TGS1: variants seen among roughly 807,000 people sequenced by gnomAD.
The protein encoded by TGS1 is trimethylguanosine synthase.
TGS1 carries 69 observed loss-of-function variants against 92.2 expected under a neutral mutation model. The ratio of observed to expected loss-of-function variants is 0.75; its 90% confidence interval spans 0.62 to 0.91. The LOEUF (loss-of-function observed/expected upper bound fraction) is 0.91, where lower values mean the gene tolerates loss of function less well. Among genes scored for constraint, TGS1 ranks in the 40% least tolerant of loss-of-function variants. The pLI is 0.00. For synonymous variants in TGS1, 345 were observed against 338.1 expected, an observed-to-expected ratio of 1.02 and a Z score of -0.22; for missense variants, 1,062 against 1,001.2, an observed-to-expected ratio of 1.06 and a Z score of -0.82.
intron 10 of TGS1, among the ~76,000 whole-genome samples, chr8:55,810,621 C>G (rs1309763230): frequency 6.6e-6 from 1 of 152,188 alleles, no homozygotes; most frequent in East Asian, 1.9e-4. Context: ...AGTATTGCCA[C>G]TTGGTTAGGA....
chr8:55,824,946 G>A lies in TGS1; in HGVS notation c.*243G>A. The A allele has an allele frequency of 2.7e-6, 1 of 376,822 alleles. No individual in the cohort carries two copies. The highest frequency in any genetic ancestry group is 4.7e-6 in the Non-Finnish European group (1 of 211,142). The allele number at this position is 376,822 out of a possible 1,614,324, so 23.3% of individuals were successfully genotyped here. A position where few individuals can be genotyped will look rare whatever the true frequency, so the allele number is the denominator to read the frequency against. ...TGTAATTTATTTTTTTTTGAGACAG[G>A]ATCTCACTTTTACCGCCCAGGCTGG... On this transcript the variant is annotated 3_prime_UTR_variant, in exon 13 of 13. Transcript: ENST00000260129.
chr8:55,782,146 CT>C (rs369271012), intron 1 of TGS1, among the ~76,000 whole-genome samples: 124,964 of 150,826 alleles, frequency 0.83, 52,114 homozygotes, highest in African/African-American at 0.93. Flanking sequence ...AGAACTTACA[CT>C]TTATTTATTT....
At chr8:55,783,443 T>C (rs1334128439) in intron 2 of TGS1, among the ~76,000 whole-genome samples, 1 of 152,092 alleles carries the variant, frequency 6.6e-6, no homozygotes, top group Non-Finnish European at 1.5e-5. Context: ...TAAATTCTAA[T>C]CATAATACAC....
intron 7 of TGS1, 87 bp from the exon 8 acceptor site, chr8:55,798,827 T>A: frequency 9.1e-7 from 1 of 1,095,924 alleles, no homozygotes; most frequent in Non-Finnish European, 1.3e-6. Context: ...ACACAGCTTT[T>A]CAGTCAAGTC....
At chr8:55,802,004 C>A (rs936436263) in intron 8 of TGS1, among the ~76,000 whole-genome samples, 2 of 152,146 alleles carry the variant, frequency 1.3e-5, no homozygotes, top group Non-Finnish European at 2.9e-5. Context: ...ACCATCCTGA[C>A]TAACACGGTG....
At position 55,793,769 on chromosome 8, in the gene TGS1, TA is replaced by T. The variant is rs1329033438; in HGVS notation, c.1367+986del. 5.3e-3 allele frequency among the ~76,000 whole-genome samples: 742 copies of T among 139,516 alleles called. 5 individuals are homozygous for T. The highest frequency in any genetic ancestry group is 0.019 in the African/African-American group (709 of 37,006). 91.5% of individuals were successfully genotyped at this position (139,516 alleles called of 152,430 possible). The stretch of plus-strand genomic sequence containing the variant: ...TTATTTATTTATTTATTTATTTATT[TA>T]TTTATTTTTTAATTTTTTATTTTTT... On this transcript the variant is annotated intron_variant, in intron 6 of 12. Transcript: ENST00000260129.
At position 55,825,025 on chromosome 8, in the gene TGS1, A is replaced by C. The variant is rs1273779217; in HGVS notation, c.*322A>C. ...CAGGTTCAGCCTTCTGAGTTCAAGC[A>C]ATCCTTCTGTCTCAGTCTCCTCAGT... is the stretch of plus-strand genomic sequence containing the variant. On this transcript the variant is annotated 3_prime_UTR_variant, in exon 13 of 13. Transcript: ENST00000260129. 9.7e-6 allele frequency: 2 copies of C among 205,766 alleles called. No homozygotes were observed. The highest frequency in any genetic ancestry group is 4.7e-5 in the African/African-American group (2 of 42,222). 12.7% of individuals were successfully genotyped at this position (205,766 alleles called of 1,614,324 possible). A position where few individuals can be genotyped will look rare whatever the true frequency, so the allele number is the denominator to read the frequency against.
chr8:55,819,288 A>ATTTT (rs201975270), intron 12 of TGS1, among the ~76,000 whole-genome samples: 6 of 75,014 alleles, frequency 8.0e-5, no homozygotes, highest in African/African-American at 2.2e-4. Flanking sequence ...TGCCTGGGAG[A>ATTTT]TTTTTTTTTT....
In TGS1 at chr8:55,792,742, A is replaced by C. The variant is rs779162440; in HGVS notation, c.1325A>C (p.Asp442Ala). The C allele has an allele frequency of 6.2e-7, 1 of 1,613,978 alleles. No homozygotes were observed. The highest frequency in any genetic ancestry group is 2.2e-5 in the East Asian group (1 of 44,852). ...GAAAACCCAGCTTCAGACTTTGATG[A>C]CAGTGGTTCCCTTCTAGGATTCAAG... ...IDENPASDFD[D>A]SGSLLGFKYG... The change falls in exon 6 of 13, where the codon GAC becomes GCC. Residue 442 changes from aspartate to alanine, a missense_variant. By Grantham distance (126) the Asp-to-Ala change is moderately radical. Transcript: ENST00000260129.
intron 1 of TGS1, among the ~76,000 whole-genome samples, chr8:55,780,674 C>G (rs1266387176): frequency 6.6e-6 from 1 of 152,216 alleles, no homozygotes; most frequent in Non-Finnish European, 1.5e-5. Flanking sequence ...TCAGCTACCT[C>G]TGTGAAGGAT....
chr8:55,773,515 C>T lies in TGS1; in HGVS notation c.-104C>T. On this transcript the variant is annotated 5_prime_UTR_variant, in exon 1 of 13. Transcript: ENST00000260129. Reference sequence around the variant, plus strand: ...GCGGGCCAGTTTCTATCTCCTCATCCAGGGCTTGCGGGCGAGGCCTGTTTT... The same window carrying T: ...GCGGGCCAGTTTCTATCTCCTCATCTAGGGCTTGCGGGCGAGGCCTGTTTT... 1.2e-6 allele frequency: 1 copy of T among 809,168 alleles called. No homozygotes were observed. The highest frequency in any genetic ancestry group is 1.9e-6 in the Non-Finnish European group (1 of 521,588). The allele number at this position is 809,168 out of a possible 1,614,324, so 50.1% of individuals were successfully genotyped here.
intron 1 of TGS1, among the ~76,000 whole-genome samples, chr8:55,775,806 G>A (rs1308468573): frequency 6.6e-6 from 1 of 151,920 alleles, no homozygotes; most frequent in Admixed American, 6.6e-5. Context: ...GAAGGGTGGG[G>A]GAGGGGGACC....
intron 12 of TGS1, among the ~76,000 whole-genome samples, chr8:55,816,977 G>C (rs1030922117): frequency 1.3e-5 from 2 of 151,684 alleles, no homozygotes; most frequent in African/African-American, 4.8e-5. Flanking sequence ...CGATTCTCCT[G>C]CCTCAGCCTC....
chr8:55,779,458 G>T (rs1232041597), intron 1 of TGS1, among the ~76,000 whole-genome samples: 1 of 152,136 alleles, frequency 6.6e-6, no homozygotes, highest in African/African-American at 2.4e-5. Context: ...GTTAAGCTGG[G>T]CCCATCCTCC....
At position 55,798,915 on chromosome 8, in the gene TGS1, T is replaced by C. The variant is rs1377059404; in HGVS notation, c.1544T>C (p.Val515Ala). Residue 515 changes from valine to alanine, a missense_variant and splice_region_variant, in exon 8 of 13, where the codon GTA becomes GCA. Transcript: ENST00000260129. ...CATGATGTCATCTTAAAATTTAAGG[T>C]AGAAAAATTCCTCACATGGGTTAAT... Reference protein sequence around the residue: ...FFKKSKILSKVEKFLTWVNKP... With the variant: ...FFKKSKILSKAEKFLTWVNKP... 2.5e-6 allele frequency: 4 copies of C among 1,592,630 alleles called. No individual in the cohort carries two copies. Among genetic ancestry groups the C allele is most frequent in the Non-Finnish European group, 3.4e-6 (4 of 1,170,548 alleles).
chr8:55,803,417 C>T (rs1408020142), intron 9 of TGS1, among the ~76,000 whole-genome samples: 1 of 152,088 alleles, frequency 6.6e-6, no homozygotes, highest in Admixed American at 6.5e-5. Context: ...TATTAACTAT[C>T]AAAATCAGAA....
chr8:55,807,628 A>G (rs1015439867), intron 10 of TGS1, among the ~76,000 whole-genome samples: 1 of 151,950 alleles, frequency 6.6e-6, no homozygotes, highest in Non-Finnish European at 1.5e-5. Flanking sequence ...CCCGGGCTCA[A>G]GTGATCCTCC....
intron 7 of TGS1, among the ~76,000 whole-genome samples, chr8:55,797,805 C>T (rs1224655938): frequency 1.3e-5 from 2 of 152,194 alleles, no homozygotes; most frequent in Non-Finnish European, 2.9e-5. Context: ...CATGATGTCT[C>T]TGTCTCTGTT....
At chr8:55,779,663 G>C (rs1416716936) in intron 1 of TGS1, among the ~76,000 whole-genome samples, 1 of 152,194 alleles carries the variant, frequency 6.6e-6, no homozygotes, top group Non-Finnish European at 1.5e-5. Context: ...CCTTCTAAAA[G>C]AGAAGAAAGA....
Sources: gnomAD v4.1 joint callset for allele counts (sites outside exome capture counted in the v4.1 genomes callset) on GRCh38, gnomAD v4.1.1 for gene constraint, MANE v1.5 for transcripts, NCBI Gene and HGNC (gene_info 2026-07-23, HGNC 2026-07-21) for gene names.